YAP1: variants seen among roughly 807,000 people sequenced by gnomAD.
YAP1 encodes the protein Yes1 associated transcriptional regulator.
Under a neutral mutation model 56.9 loss-of-function variants are expected in YAP1, and 5 were observed. The ratio of observed to expected loss-of-function variants is 0.09; its 90% CI spans 0.05 to 0.18. YAP1 has a LOEUF of 0.18. YAP1 is among the 10% of genes least tolerant of loss of function. The probability of loss-of-function intolerance (pLI) is 1.00; values close to 1 mark genes in which losing one functional copy is unlikely to be tolerated. For synonymous variants in YAP1, 265 were observed against 248.1 expected (o/e 1.07, Z -0.64); for missense variants, 539 against 651.8 (o/e 0.83, Z 1.88).
At chr11:102,163,484 A>T (rs1946417838) in intron 3 of YAP1, among the ~76,000 whole-genome samples, 1 of 152,178 alleles carries the variant, frequency 6.6e-6, no homozygotes, top group African/African-American at 2.4e-5. Context: ...TGTGCCTGGC[A>T]TCAGAGATTG....
chr11:102,112,817 C>T (rs1461188776), intron 1 of YAP1: 2 of 961,170 alleles, frequency 2.1e-6, no homozygotes, highest in Non-Finnish European at 2.5e-6. Flanking sequence ...TTGGCATGCA[C>T]CCTACAGACT....
At chr11:102,124,249 G>T (rs1023252031) in intron 2 of YAP1, among the ~76,000 whole-genome samples, 2 of 152,240 alleles carry the variant, frequency 1.3e-5, no homozygotes, top group Admixed American at 1.3e-4. Context: ...TGCTGCGCCC[G>T]GCACTCCATT....
chr11:102,185,843 G>A (rs1468638700), intron 3 of YAP1, among the ~76,000 whole-genome samples, 175 bp from the exon 4 acceptor site: 1 of 151,956 alleles, frequency 6.6e-6, no homozygotes, highest in African/African-American at 2.4e-5. Context: ...TCTTTTTAGT[G>A]GAGAAGAAGC....
At chr11:102,219,478 G>A (rs1009803572) in intron 6 of YAP1, among the ~76,000 whole-genome samples, 16 of 152,014 alleles carry the variant, frequency 1.1e-4, no homozygotes, top group Admixed American at 3.9e-4. Context: ...TAAATAATAC[G>A]GAAGAAAGGC....
rs74646651 is a variant in YAP1 at position 102,166,900 on chromosome 11, C to G, written c.688+4329C>G. On this transcript the variant is annotated intron_variant, in intron 3 of 8. Coordinates refer to ENST00000282441, the MANE Select transcript of YAP1 (RefSeq NM_001130145.3). ...ATACTGTAATTTCCTCTAGACTCCC[C>G]AAACCTGTTTTCTGCATAATTTTCA... 3.2e-3 allele frequency among the ~76,000 whole-genome samples: 480 copies of G among 152,278 alleles called. 3 individuals are homozygous for G. Among genetic ancestry groups the G allele is most frequent in the African/African-American group, 0.011 (459 of 41,550 alleles).
intron 4 of YAP1, among the ~76,000 whole-genome samples, chr11:102,205,655 T>C (rs1949083204): frequency 6.6e-6 from 1 of 152,028 alleles, no homozygotes; most frequent in Non-Finnish European, 1.5e-5. Flanking sequence ...CTGTTCCTTA[T>C]TGCATGTTAA....
chr11:102,186,176 A>AT (rs768234007), intron 4 of YAP1, 45 bp downstream of exon 4: 32 of 1,588,228 alleles, frequency 2.0e-5, no homozygotes, highest in South Asian at 1.6e-4. Flanking sequence ...TTGGTTGCTA[A>AT]TTTTTTTTGT....
intron 2 of YAP1, among the ~76,000 whole-genome samples, chr11:102,117,756 G>A (rs1275996927): frequency 6.6e-6 from 1 of 152,154 alleles, no homozygotes; most frequent in African/African-American, 2.4e-5. Context: ...TGAATGTGAA[G>A]TATGTAAACA....
intron 3 of YAP1, among the ~76,000 whole-genome samples, chr11:102,166,363 A>G (rs1484780133): frequency 1.3e-5 from 2 of 152,216 alleles, no homozygotes; most frequent in Non-Finnish European, 2.9e-5. Flanking sequence ...ATGTTTTGGA[A>G]TGAATGTCAC....
chr11:102,206,098 G>A, intron 5 of YAP1, 24 bp downstream of exon 5: 1 of 1,591,864 alleles, frequency 6.3e-7, no homozygotes. Context: ...TTAGAAACCA[G>A]CCTTCCACTT....
At chr11:102,147,273 T>C (rs1945379162) in intron 2 of YAP1, among the ~76,000 whole-genome samples, 1 of 152,204 alleles carries the variant, frequency 6.6e-6, no homozygotes, top group Non-Finnish European at 1.5e-5. Context: ...TATAGCCACA[T>C]GAGGATTTAT....
chr11:102,198,513 A>G (rs565730172), intron 4 of YAP1, among the ~76,000 whole-genome samples: 1 of 152,228 alleles, frequency 6.6e-6, no homozygotes, highest in African/African-American at 2.4e-5. Context: ...AATGTTTCTT[A>G]ATAGATGAAG....
intron 2 of YAP1, among the ~76,000 whole-genome samples, chr11:102,122,923 A>G (rs1464746370): frequency 6.6e-6 from 1 of 151,218 alleles, no homozygotes; most frequent in Non-Finnish European, 1.5e-5. Context: ...AAAAGCAAAG[A>G]AAAGAGCAAT....
intron 1 of YAP1, among the ~76,000 whole-genome samples, chr11:102,111,500 G>A (rs1216772459): frequency 8.3e-6 from 1 of 120,282 alleles, no homozygotes; most frequent in African/African-American, 3.2e-5. Flanking sequence ...GAGGGGTGGG[G>A]AGGAAGGAAG....
At chr11:102,178,270 T>C (rs570568817) in intron 3 of YAP1, among the ~76,000 whole-genome samples, 1 of 152,182 alleles carries the variant, frequency 6.6e-6, no homozygotes, top group South Asian at 2.1e-4. Flanking sequence ...CCAGCTACTC[T>C]TGTTACTTTC....
chr11:102,186,085 G>A lies in YAP1; in HGVS notation c.756G>A (p.Lys252=). The A allele has an allele frequency of 1.9e-6, 3 of 1,610,668 alleles. No homozygotes were observed. The highest frequency in any genetic ancestry group is 2.2e-5 in the East Asian group (1 of 44,698). Residue 252 remains lysine (K), a synonymous_variant, in exon 4 of 9, where the codon AAG becomes AAA. Coordinates refer to ENST00000282441, the MANE Select transcript of YAP1 (RefSeq NM_001130145.3). ...QDGEIYYINH[K]NKTTSWLDPR... ...GAGAAATTTACTATATAAACCATAAGAACAAGACCACCTCTTGGCTAGACC... is the reference window on the plus strand; with the variant it reads ...GAGAAATTTACTATATAAACCATAAAAACAAGACCACCTCTTGGCTAGACC...
chr11:102,170,671 T>C (rs1182143520), intron 3 of YAP1, among the ~76,000 whole-genome samples: 1 of 152,176 alleles, frequency 6.6e-6, no homozygotes, highest in African/African-American at 2.4e-5. Context: ...TTGAATGTTA[T>C]TAAGATTTTA....
intron 3 of YAP1, among the ~76,000 whole-genome samples, chr11:102,164,897 T>A (rs940947592): frequency 6.6e-6 from 1 of 152,184 alleles, no homozygotes; most frequent in Non-Finnish European, 1.5e-5. Flanking sequence ...TAATTTTGTA[T>A]TTTTAGTAGA....
At chr11:102,122,972 C>A (rs1343588577) in intron 2 of YAP1, among the ~76,000 whole-genome samples, 1 of 149,066 alleles carries the variant, frequency 6.7e-6, no homozygotes, top group Non-Finnish European at 1.5e-5. Context: ...AGCTTGCATT[C>A]TTCAGAGGCA....
Sources: allele counts gnomAD v4.1 joint callset (sites outside exome capture counted in the v4.1 genomes callset), GRCh38; gene constraint gnomAD v4.1.1; transcripts MANE v1.5; gene names NCBI Gene and HGNC (gene_info 2026-07-23, HGNC 2026-07-21).